GLRA2: variants seen among roughly 807,000 people sequenced by gnomAD.
The protein encoded by GLRA2 is glycine receptor alpha 2.
GLRA2 carries 11 observed loss-of-function variants against 31.6 expected under a neutral mutation model. The observed-to-expected ratio is 0.35, with a 90% CI of 0.22 to 0.58. The LOEUF is 0.58. Ranked by LOEUF, GLRA2 falls within the 20% of genes least tolerant of loss-of-function variation. The pLI, the probability that GLRA2 is intolerant of heterozygous loss-of-function variation, is 0.84. For synonymous variants in GLRA2, 132 were observed against 134.0 expected, an observed-to-expected ratio of 0.99 and a Z score of 0.10; for missense variants, 212 against 351.8, an observed-to-expected ratio of 0.60 and a Z score of 3.18.
chrX:14,486,305 TAGG>T, the GLRA2 span, among the ~76,000 whole-genome samples: 1 of 111,422 alleles, frequency 9.0e-6, no homozygotes, highest in African/African-American at 3.3e-5. Flanking sequence ...GAAGAAAATA[TAGG>T]AGAATAGCTC....
At chrX:14,684,806 T>A (rs2147173883) in intron 7 of GLRA2, among the ~76,000 whole-genome samples, 1 of 111,417 alleles carries the variant, frequency 9.0e-6, no homozygotes, top group Admixed American at 9.5e-5. Flanking sequence ...AAGCCCTTTA[T>A]TTCCTTCTCC....
At chrX:14,555,910 G>A (rs2089636293) in intron 2 of GLRA2, among the ~76,000 whole-genome samples, 1 of 111,637 alleles carries the variant, frequency 9.0e-6, no homozygotes, top group African/African-American at 3.3e-5. Flanking sequence ...TATATTAAGT[G>A]CCAAGGGAAC....
chrX:14,706,095 G>C (rs774489595), intron 8 of GLRA2, among the ~76,000 whole-genome samples: 2 of 42,568 alleles, frequency 4.7e-5, no homozygotes, highest in African/African-American at 7.2e-5. Context: ...GAATATTTAG[G>C]TGTAGAGCCC....
intron 2 of GLRA2, among the ~76,000 whole-genome samples, chrX:14,532,655 A>C (rs2089272823): frequency 8.9e-6 from 1 of 111,749 alleles, no homozygotes; most frequent in Non-Finnish European, 1.9e-5. Context: ...AGTGTGGCTG[A>C]AAGTGAATAC....
intron 8 of GLRA2, among the ~76,000 whole-genome samples, chrX:14,707,111 CA>C (rs1216780840): frequency 8.9e-6 from 1 of 111,998 alleles, no homozygotes; most frequent in Non-Finnish European, 1.9e-5. Flanking sequence ...TTCATTACAG[CA>C]CCATTTCCTG....
At chrX:14,592,894 T>C (rs760163910) in intron 4 of GLRA2, among the ~76,000 whole-genome samples, 1 of 112,241 alleles carries the variant, frequency 8.9e-6, no homozygotes, top group African/African-American at 3.2e-5. Flanking sequence ...TGACTGAATA[T>C]GTAGACTAAA....
chrX:14,650,579 C>G (rs1328309525), intron 7 of GLRA2, among the ~76,000 whole-genome samples: 1 of 110,935 alleles, frequency 9.0e-6, no homozygotes, highest in Non-Finnish European at 1.9e-5. Flanking sequence ...GGCTTTCTAC[C>G]CATTGAGAAA....
chrX:14,644,168 C>A (rs1313049251), intron 7 of GLRA2, among the ~76,000 whole-genome samples: 1 of 111,631 alleles, frequency 9.0e-6, no homozygotes, highest in Non-Finnish European at 1.9e-5. Context: ...ACCTCCTTTG[C>A]CCTTCTTCTG....
intron 8 of GLRA2, 78 bp downstream of exon 8, chrX:14,690,937 C>T (rs2091343997): frequency 2.1e-5 from 22 of 1,036,945 alleles, no homozygotes; most frequent in Non-Finnish European, 2.8e-5. Context: ...AACAGAAGAG[C>T]ACACAATAAG....
chrX:14,551,028 C>T (rs1250802335), intron 2 of GLRA2, among the ~76,000 whole-genome samples: 1 of 112,043 alleles, frequency 8.9e-6, no homozygotes, highest in Non-Finnish European at 1.9e-5. Context: ...AAGCACTTTG[C>T]ATATTAACTC....
intron 8 of GLRA2, among the ~76,000 whole-genome samples, chrX:14,703,961 T>G (rs2091584320): frequency 8.9e-6 from 1 of 111,818 alleles, no homozygotes; most frequent in Admixed American, 9.5e-5. Context: ...ATGCAATCCC[T>G]CATCTCAGGG....
At chrX:14,583,075 A>C (rs756594238) in intron 4 of GLRA2, among the ~76,000 whole-genome samples, 1 of 111,419 alleles carries the variant, frequency 9.0e-6, no homozygotes, top group African/African-American at 3.3e-5. Context: ...AATGCTCAAC[A>C]TCTCTAATCA....
chrX:14,579,311 A>T (rs1039477763), intron 3 of GLRA2, among the ~76,000 whole-genome samples: 5 of 109,736 alleles, frequency 4.6e-5, no homozygotes, highest in Non-Finnish European at 9.5e-5. Context: ...TTAAGGAAGA[A>T]TCAAGAATCT....
the GLRA2 span, among the ~76,000 whole-genome samples, chrX:14,481,929 GAAAGA>G: frequency 9.1e-6 from 1 of 110,215 alleles, no homozygotes; most frequent in Non-Finnish European, 1.9e-5. Flanking sequence ...TTAGAAAGTT[GAAAGA>G]AAAGAAAACA....
chrX:14,596,133 T>C (rs1200604225), intron 4 of GLRA2, among the ~76,000 whole-genome samples: 1 of 110,970 alleles, frequency 9.0e-6, no homozygotes, highest in Non-Finnish European at 1.9e-5. Context: ...GTTCATTCAA[T>C]GCAGGTTGCA....
chrX:14,657,948 A>G (rs904813143), intron 7 of GLRA2, among the ~76,000 whole-genome samples: 4 of 111,592 alleles, frequency 3.6e-5, no homozygotes, highest in African/African-American at 9.8e-5. Flanking sequence ...ATTACCTTAT[A>G]TGTATTATCA....
chrX:14,454,481 A>G, the GLRA2 span, among the ~76,000 whole-genome samples: 1 of 110,941 alleles, frequency 9.0e-6, no homozygotes, highest in Non-Finnish European at 1.9e-5. Flanking sequence ...TTTGGATTGT[A>G]CAACCTTTCA....
intron 7 of GLRA2, among the ~76,000 whole-genome samples, chrX:14,690,207 TAGA>T (rs1214260327): frequency 7.1e-5 from 8 of 112,121 alleles, no homozygotes; most frequent in African/African-American, 2.3e-4. Context: ...ATTTAAAAAA[TAGA>T]AGTGAGCAGT....
At chrX:14,485,734 A>T in the GLRA2 span, among the ~76,000 whole-genome samples, 1 of 111,664 alleles carries the variant, frequency 9.0e-6, no homozygotes, top group South Asian at 3.8e-4. Flanking sequence ...ATCTTCTGTC[A>T]TCTGGATTGT....
Sources: allele counts gnomAD v4.1 joint callset (sites outside exome capture counted in the v4.1 genomes callset), GRCh38; gene constraint gnomAD v4.1.1; transcripts MANE v1.5; gene names NCBI Gene and HGNC (gene_info 2026-07-23, HGNC 2026-07-21).